Variants in RBFOX3 observed in about 807,000 individuals in gnomAD.
RBFOX3 encodes the protein RNA binding protein fox-1 homolog 3.
RBFOX3 carries 17 observed loss-of-function variants against 48.7 expected under a neutral mutation model. That is an observed-to-expected ratio of 0.35 (90% CI 0.24 to 0.52). RBFOX3 has a LOEUF of 0.52. Among genes scored for constraint, RBFOX3 ranks in the 20% least tolerant of loss-of-function variants. The pLI is 0.94. For missense variants in RBFOX3, 382 were observed against 497.5 expected, an observed-to-expected ratio of 0.77 and a Z score of 2.21; for synonymous variants, 212 against 209.5, an observed-to-expected ratio of 1.01 and a Z score of -0.10.
chr17:79,573,482 G>T (rs981665401), intron 1 of RBFOX3, among the ~76,000 whole-genome samples: 5 of 152,156 alleles, frequency 3.3e-5, no homozygotes, highest in Non-Finnish European at 7.3e-5. Flanking sequence ...CACGGCCCTG[G>T]AGACACTCTC....
intron 1 of RBFOX3, among the ~76,000 whole-genome samples, chr17:79,544,076 A>T (rs1360268323): frequency 6.6e-6 from 1 of 152,164 alleles, no homozygotes; most frequent in African/African-American, 2.4e-5. Flanking sequence ...AGGAGGAGGT[A>T]AGGCCCACAG....
intron 1 of RBFOX3, among the ~76,000 whole-genome samples, chr17:79,577,685 T>C (rs1288875034): frequency 6.6e-6 from 1 of 152,192 alleles, no homozygotes; most frequent in African/African-American, 2.4e-5. Context: ...GGCTTATCAT[T>C]GCTGACTTGT....
chr17:79,530,125 G>A (rs1039149788), intron 1 of RBFOX3, among the ~76,000 whole-genome samples: 1 of 152,178 alleles, frequency 6.6e-6, no homozygotes, highest in Non-Finnish European at 1.5e-5. Context: ...AGGCAGCATC[G>A]AGCACAGCCC....
intron 2 of RBFOX3, among the ~76,000 whole-genome samples, chr17:79,377,787 G>A (rs186395505): frequency 1.7e-3 from 265 of 152,198 alleles, no homozygotes; most frequent in Middle Eastern, 3.4e-3. Flanking sequence ...GCGTGTCCCT[G>A]GTGACCCGAG....
chr17:79,589,638 T>C (rs2093359333), intron 1 of RBFOX3, among the ~76,000 whole-genome samples: 1 of 152,138 alleles, frequency 6.6e-6, no homozygotes, highest in Non-Finnish European at 1.5e-5. Flanking sequence ...TGGGACGCCC[T>C]GGGGGCTGTA....
chr17:79,183,810 G>A (rs942699842), intron 4 of RBFOX3, among the ~76,000 whole-genome samples: 14 of 152,188 alleles, frequency 9.2e-5, no homozygotes, highest in African/African-American at 7.2e-5. Flanking sequence ...AATCCGGAGC[G>A]ACGGCACAAC....
intron 2 of RBFOX3, among the ~76,000 whole-genome samples, chr17:79,330,539 G>A (rs1328767139): frequency 3.4e-5 from 5 of 149,178 alleles, no homozygotes; most frequent in South Asian, 2.2e-4. Context: ...GGTTCCACAC[G>A]CTTCTCCGTT....
At chr17:79,660,080 AGGAGGCTGAGGCT>A in the RBFOX3 span, among the ~76,000 whole-genome samples, 1 of 152,122 alleles carries the variant, frequency 6.6e-6, no homozygotes, top group Non-Finnish European at 1.5e-5. Context: ...CCAGCTACTC[AGGAGGCTGAGGCT>A]GGAGAATCAC....
At chr17:79,580,179 G>A (rs1188986043) in intron 1 of RBFOX3, among the ~76,000 whole-genome samples, 3 of 151,452 alleles carry the variant, frequency 2.0e-5, no homozygotes, top group Non-Finnish European at 4.4e-5. Flanking sequence ...TTTGCTTAAG[G>A]GTTTGTCTTA....
At chr17:79,229,449 C>T (rs1226800640) in intron 4 of RBFOX3, among the ~76,000 whole-genome samples, 1 of 151,216 alleles carries the variant, frequency 6.6e-6, no homozygotes, top group Non-Finnish European at 1.5e-5. Context: ...ATCCCAGCTA[C>T]TCAAGAGGCT....
In RBFOX3 at chr17:79,480,255, G is replaced by A. The variant is rs1276527609; in HGVS notation, c.-175+2199C>T. Among the ~76,000 whole-genome samples, 6 of 152,124 alleles carry A rather than the reference G, an allele frequency of 3.9e-5. No individual in the cohort carries two copies. Among genetic ancestry groups the A allele is most frequent in the East Asian group, 1.9e-4 (1 of 5,182 alleles). The stretch of plus-strand genomic sequence containing the variant: ...TGGTTTACGGAATGGGGTGACAGCC[G>A]TTTCAGCAGAGGAGGGGAGTTGTTT... On this transcript the variant is annotated intron_variant, in intron 2 of 14. Transcript: ENST00000693108. This position sits in a 1 kb window ranked among gnomAD's most constrained non-coding sequence, Gnocchi z 4.8.
intron 2 of RBFOX3, among the ~76,000 whole-genome samples, chr17:79,452,692 T>C (rs1191157758): frequency 4.6e-5 from 7 of 152,094 alleles, no homozygotes; most frequent in Admixed American, 1.3e-4. Context: ...AGGGGACCAC[T>C]GGGAGAGACT....
intron 2 of RBFOX3, among the ~76,000 whole-genome samples, chr17:79,429,000 C>T (rs1471588132): frequency 6.6e-6 from 1 of 152,184 alleles, no homozygotes; most frequent in Admixed American, 6.5e-5. Flanking sequence ...ACCGACTCTT[C>T]CCCTGCCAGT....
intron 2 of RBFOX3, among the ~76,000 whole-genome samples, chr17:79,309,799 C>T (rs2076594233): frequency 6.6e-6 from 1 of 152,062 alleles, no homozygotes; most frequent in South Asian, 2.1e-4. Context: ...GTTGGCAGTT[C>T]CCCCCTCACT....
chr17:79,163,326 G>A (rs1281356746), intron 4 of RBFOX3, among the ~76,000 whole-genome samples: 1 of 152,232 alleles, frequency 6.6e-6, no homozygotes, highest in African/African-American at 2.4e-5. Context: ...TCAGTGTTCT[G>A]AGGGTGTCAA....
intron 1 of RBFOX3, among the ~76,000 whole-genome samples, chr17:79,493,639 C>A (rs1410968749): frequency 6.6e-6 from 1 of 152,166 alleles, no homozygotes; most frequent in Non-Finnish European, 1.5e-5. Flanking sequence ...GCATTTGTTG[C>A]AAGTTGTAAT....
At chr17:79,163,233 C>T (rs2047323957) in intron 4 of RBFOX3, among the ~76,000 whole-genome samples, 1 of 152,218 alleles carries the variant, frequency 6.6e-6, no homozygotes. Flanking sequence ...GGGCAGCACA[C>T]TCGGCTGAAC....
At chr17:79,345,628 TCCTG>T (rs1433331863) in intron 2 of RBFOX3, among the ~76,000 whole-genome samples, 1 of 152,158 alleles carries the variant, frequency 6.6e-6, no homozygotes, top group Non-Finnish European at 1.5e-5. Flanking sequence ...TGTATGAAAT[TCCTG>T]CCTGTCCTCT....
intron 4 of RBFOX3, among the ~76,000 whole-genome samples, chr17:79,201,786 G>A (rs1001778528): frequency 6.6e-6 from 1 of 152,104 alleles, no homozygotes; most frequent in African/African-American, 2.4e-5. Flanking sequence ...CCCTTCCCAC[G>A]TGCTTTCTCT....
Sources: allele counts gnomAD v4.1 joint callset (sites outside exome capture counted in the v4.1 genomes callset), GRCh38; gene constraint gnomAD v4.1.1; non-coding constraint Gnocchi (gnomAD v3.1); transcripts MANE v1.5; gene names NCBI Gene and HGNC (gene_info 2026-07-23, HGNC 2026-07-21).